KLHL2: variants seen among roughly 807,000 people sequenced by gnomAD.
KLHL2 encodes kelch-like protein 2.
A neutral mutation model predicts 75.8 loss-of-function variants in KLHL2; 15 were observed. The ratio of observed to expected loss-of-function variants is 0.20; its 90% CI spans 0.13 to 0.30. KLHL2 has a LOEUF of 0.30. Ranked by LOEUF, KLHL2 falls within the 10% of genes least tolerant of loss-of-function variation. The probability of loss-of-function intolerance (pLI) is 1.00; values close to 1 mark genes in which losing one functional copy is unlikely to be tolerated. For synonymous variants in KLHL2, 214 were observed against 251.9 expected, an observed-to-expected ratio of 0.85 and a Z score of 1.42; for missense variants, 381 against 741.0, an observed-to-expected ratio of 0.51 and a Z score of 5.64.
Position 165,280,365 on chromosome 4 carries a change from C to T in KLHL2, c.545-13994C>T, listed in dbSNP as rs186990138. On this transcript the variant is annotated intron_variant, in intron 5 of 14. Coordinates refer to ENST00000226725, the MANE Select transcript of KLHL2 (RefSeq NM_007246.4). Reference sequence around the variant, plus strand: ...CCAGTTTTTATAACAGTTTCTTCTACAGAAAATTTCTTCAATCATTTGCCC... The same window carrying T: ...CCAGTTTTTATAACAGTTTCTTCTATAGAAAATTTCTTCAATCATTTGCCC... Among the ~76,000 whole-genome samples the T allele has an allele frequency of 6.4e-4, 98 of 152,340 alleles. 1 individual carries two copies. Among genetic ancestry groups the T allele is most frequent in the African/African-American group, 1.8e-3 (76 of 41,580 alleles).
chr4:165,290,062 G>C (rs1263883974), intron 5 of KLHL2, among the ~76,000 whole-genome samples: 4 of 151,960 alleles, frequency 2.6e-5, no homozygotes, highest in African/African-American at 9.7e-5. Context: ...TTCCAAGTTG[G>C]TATTCATAAA....
At chr4:165,286,860 G>A (rs1483041787) in intron 5 of KLHL2, among the ~76,000 whole-genome samples, 1 of 152,154 alleles carries the variant, frequency 6.6e-6, no homozygotes, top group Non-Finnish European at 1.5e-5. Context: ...GACATGCATT[G>A]ACTGTCTATA....
intron 3 of KLHL2, among the ~76,000 whole-genome samples, chr4:165,229,640 C>A (rs1357647711): frequency 6.6e-6 from 1 of 152,190 alleles, no homozygotes; most frequent in East Asian, 1.9e-4. Flanking sequence ...CTAGATACTT[C>A]AAGGCATACA....
rs771559094 is a variant in KLHL2 at position 165,278,573 on chromosome 4, C to T, written c.544+15214C>T. 1.5e-5 allele frequency: 24 copies of T among 1,610,068 alleles called. 1 individual carries two copies. The South Asian group carries it at 2.5e-4, about 17-fold the overall frequency. ...CCCCGAAAATGCTGGGACGAAGTAG[C>T]AGCCATAAGAAGTACCTACTTCTTT... On this transcript the variant is annotated intron_variant, in intron 5 of 14. Transcript: ENST00000226725.
intron 1 of KLHL2, among the ~76,000 whole-genome samples, chr4:165,214,208 A>G (rs1425648083): frequency 6.6e-6 from 1 of 152,104 alleles, no homozygotes; most frequent in Admixed American, 6.6e-5. Context: ...CTTACCAACG[A>G]AGTGATGGCA....
intron 2 of KLHL2, chr4:165,224,105 A>G (rs900212719): frequency 9.4e-6 from 2 of 212,174 alleles, no homozygotes; most frequent in African/African-American, 4.8e-5. Flanking sequence ...TAGTAGAGAC[A>G]GGATTTTGCC....
At chr4:165,301,976 A>T (rs1224148387) in intron 8 of KLHL2, among the ~76,000 whole-genome samples, 2 of 152,030 alleles carry the variant, frequency 1.3e-5, no homozygotes, top group Non-Finnish European at 2.9e-5. Flanking sequence ...TTGTGTTTAC[A>T]TTGTTCCTGG....
intron 5 of KLHL2, among the ~76,000 whole-genome samples, chr4:165,270,265 CG>C (rs1742581587): frequency 6.6e-6 from 1 of 152,134 alleles, no homozygotes; most frequent in Admixed American, 6.5e-5. Flanking sequence ...TGGGTTAGAA[CG>C]TGCTCCTTTA....
intron 3 of KLHL2, among the ~76,000 whole-genome samples, chr4:165,231,037 T>A (rs1296036489): frequency 1.3e-5 from 2 of 152,264 alleles, no homozygotes; most frequent in Non-Finnish European, 2.9e-5. Flanking sequence ...TAGATTGCTA[T>A]GCGCTAAAGT....
intron 4 of KLHL2, among the ~76,000 whole-genome samples, chr4:165,258,334 C>T (rs186637970): frequency 4.6e-4 from 66 of 144,210 alleles, no homozygotes; most frequent in Admixed American, 2.1e-4. Flanking sequence ...TTTTTCATAT[C>T]ATACCAAGAG....
chr4:165,235,397 C>T (rs1963104), intron 3 of KLHL2, among the ~76,000 whole-genome samples: 52,089 of 141,626 alleles, frequency 0.37, 9,646 homozygotes, highest in African/African-American at 0.5. Context: ...GATAGGGTTT[C>T]GCCATGTTGG....
intron 13 of KLHL2, among the ~76,000 whole-genome samples, chr4:165,314,508 A>G (rs1430279528): frequency 6.6e-6 from 1 of 152,206 alleles, no homozygotes; most frequent in Non-Finnish European, 1.5e-5. Context: ...GATATAATTT[A>G]GTGCCTACTA....
chr4:165,270,752 G>A lies in KLHL2; in HGVS notation c.544+7393G>A, dbSNP rs181395851. On this transcript the variant is annotated intron_variant, in intron 5 of 14. Coordinates refer to ENST00000226725, the MANE Select transcript of KLHL2 (RefSeq NM_007246.4). The stretch of plus-strand genomic sequence containing the variant: ...TGTCTGTCATCCCCTACTGGGAGGT[G>A]TCTCCCAGTCAGGCTACACAGAGGT... Among the ~76,000 whole-genome samples, 318 of 152,248 alleles carry A rather than the reference G, an allele frequency of 2.1e-3. 1 individual carries two copies. Among genetic ancestry groups the A allele is most frequent in the African/African-American group, 7.3e-3 (305 of 41,556 alleles).
intron 8 of KLHL2, among the ~76,000 whole-genome samples, chr4:165,305,082 G>T (rs1745625637): frequency 6.6e-6 from 1 of 152,030 alleles, no homozygotes; most frequent in African/African-American, 2.4e-5. Flanking sequence ...GGAGATTCGG[G>T]AATCTGTACT....
chr4:165,253,317 A>T (rs940544452), intron 4 of KLHL2, among the ~76,000 whole-genome samples: 1 of 152,194 alleles, frequency 6.6e-6, no homozygotes, highest in Non-Finnish European at 1.5e-5. Context: ...TACAGATGTG[A>T]GGCACTATGC....
intron 5 of KLHL2, among the ~76,000 whole-genome samples, chr4:165,293,670 ATTTTT>A (rs35736944): frequency 4.0e-5 from 5 of 125,990 alleles, no homozygotes; most frequent in African/African-American, 1.2e-4. Context: ...TGCCTGGCTA[ATTTTT>A]TTTTTTTTTT....
intron 3 of KLHL2, among the ~76,000 whole-genome samples, chr4:165,232,442 AG>A (rs1238790729): frequency 6.6e-6 from 1 of 151,352 alleles, no homozygotes; most frequent in African/African-American, 2.4e-5. Flanking sequence ...AAAAAAAAAA[AG>A]ATAAAGGCAG....
Position 165,252,191 on chromosome 4 carries a change from A to G in KLHL2, c.382-11006A>G, listed in dbSNP as rs1229497112. 2.0e-5 allele frequency among the ~76,000 whole-genome samples: 3 copies of G among 152,098 alleles called. No individual in the cohort carries two copies. The East Asian group carries it at 5.8e-4, about 29-fold the overall frequency. On this transcript the variant is annotated intron_variant, in intron 4 of 14. Transcript: ENST00000226725. ...CGAACAAGACAAATAGAAACAAATCAAAGTCCTTACTAGAAATATATCCAG... is the reference window on the plus strand; with the variant it reads ...CGAACAAGACAAATAGAAACAAATCGAAGTCCTTACTAGAAATATATCCAG...
rs141484192 is a variant in KLHL2, at chr4:165,317,226, A to C, written c.1610-600A>C. Among the ~76,000 whole-genome samples, 881 of 152,252 alleles carry C rather than the reference A, an allele frequency of 5.8e-3. 9 individuals are homozygous for C. Among genetic ancestry groups the C allele is most frequent in the African/African-American group, 0.018 (762 of 41,544 alleles). ...TTTGACTTTTTATTAAAAAAAAAAA[A>C]ATGAGGGTCAAAATAGTTTCTAACC... is the stretch of plus-strand genomic sequence containing the variant. On this transcript the variant is annotated intron_variant, in intron 13 of 14. Coordinates refer to ENST00000226725, the MANE Select transcript of KLHL2 (RefSeq NM_007246.4).
Sources: allele counts gnomAD v4.1 joint callset (sites outside exome capture counted in the v4.1 genomes callset), GRCh38; gene constraint gnomAD v4.1.1; transcripts MANE v1.5; gene names NCBI Gene and HGNC (gene_info 2026-07-23, HGNC 2026-07-21).